Variants in MZT2B observed in about 807,000 individuals in gnomAD.
MZT2B encodes the protein mitotic-spindle organizing protein 2B.
Under a neutral mutation model 12.1 loss-of-function variants are expected in MZT2B, and 11 were observed. That is an observed-to-expected ratio of 0.91 (90% CI 0.57 to 1.50). MZT2B has a LOEUF of 1.50. Ranked by LOEUF, MZT2B falls within the 40% of genes most tolerant of loss-of-function variation. The pLI is 0.00. For missense variants in MZT2B, 209 were observed against 227.7 expected, an observed-to-expected ratio of 0.92 and a Z score of 0.53; for synonymous variants, 85 against 109.5, an observed-to-expected ratio of 0.78 and a Z score of 1.40.
downstream of MZT2B, chr2:130,195,218 C>A: frequency 1.2e-6 from 2 of 1,613,848 alleles, no homozygotes; most frequent in Non-Finnish European, 8.5e-7. Context: ...GGTCCCTGTG[C>A]GCACTTCATC....
downstream of MZT2B, chr2:130,192,109 G>A (rs747036236): frequency 1.1e-5 from 18 of 1,597,794 alleles, no homozygotes; most frequent in South Asian, 1.8e-4. Context: ...ACTGTGGGGG[G>A]CTGGTAGTTA....
At chr2:130,197,591 T>C in the MZT2B span, among the ~76,000 whole-genome samples, 4 of 126,844 alleles carry the variant, frequency 3.2e-5, no homozygotes, top group African/African-American at 1.1e-4. Context: ...CTTGGGAATC[T>C]GTTATGTTAA....
At chr2:130,186,589 A>G (rs1338344417) in intron 2 of MZT2B, among the ~76,000 whole-genome samples, 2 of 152,220 alleles carry the variant, frequency 1.3e-5, no homozygotes, top group East Asian at 1.9e-4. Flanking sequence ...TGGCATGGTC[A>G]TTGCACTGCG....
intron 2 of MZT2B, among the ~76,000 whole-genome samples, chr2:130,190,000 G>C (rs999921435): frequency 2.0e-5 from 3 of 152,190 alleles, no homozygotes; most frequent in African/African-American, 7.2e-5. Flanking sequence ...CTTGGTGACT[G>C]CAGTACTTCC....
downstream of MZT2B, among the ~76,000 whole-genome samples, chr2:130,192,764 G>C (rs1232032595): frequency 1.3e-5 from 2 of 152,160 alleles, no homozygotes; most frequent in African/African-American, 2.4e-5. Context: ...CAGTGCACAG[G>C]GTCAACTAGA....
At chr2:130,183,715 G>A in intron 2 of MZT2B, 2 of 1,550,356 alleles carry the variant, frequency 1.3e-6, no homozygotes, top group Non-Finnish European at 1.7e-6. Context: ...AGAGGGCCCG[G>A]GCACCTGCGT....
chr2:130,184,231 A>G (rs1558776972), intron 2 of MZT2B: 1 of 1,397,230 alleles, frequency 7.2e-7, no homozygotes, highest in Non-Finnish European at 9.3e-7. Context: ...TGGTGAGTGT[A>G]AAGAGCCCCT....
Position 130,182,263 on chromosome 2 carries a change from C to G in MZT2B, c.-20C>G. The G allele has an allele frequency of 1.5e-6, 2 of 1,293,842 alleles. No homozygotes were observed. The highest frequency in any genetic ancestry group is 1.9e-6 in the Non-Finnish European group (2 of 1,029,386). 80.1% of individuals were successfully genotyped at this position (1,293,842 alleles called of 1,614,324 possible). ...AGGGGGCGCGGCGGGGCGGAGCGCACCTTTCCGCGGGCCGCGGGGATGGCG... is the reference window on the plus strand; with the variant it reads ...AGGGGGCGCGGCGGGGCGGAGCGCAGCTTTCCGCGGGCCGCGGGGATGGCG... On this transcript the variant is annotated 5_prime_UTR_variant, in exon 1 of 3. Coordinates refer to ENST00000281871, the MANE Select transcript of MZT2B (RefSeq NM_025029.5).
At chr2:130,181,677 G>A (rs1689658004), upstream of MZT2B, 6 of 1,550,194 alleles carry the variant, frequency 3.9e-6, no homozygotes, top group Non-Finnish European at 5.2e-6. Flanking sequence ...TACCTCAAAA[G>A]GCGCGTGCGC....
intron 2 of MZT2B, among the ~76,000 whole-genome samples, chr2:130,186,468 T>C (rs1690069431): frequency 6.6e-6 from 1 of 152,212 alleles, no homozygotes. Context: ...TTAGAGAAAC[T>C]ATACGTTTTA....
chr2:130,202,476 G>C, the MZT2B span: 8 of 1,279,738 alleles, frequency 6.3e-6, no homozygotes, highest in South Asian at 1.0e-4. Context: ...AGGCTTAAGA[G>C]GCTTTGCAGA....
intron 2 of MZT2B, chr2:130,184,027 C>A (rs1404363465): frequency 1.2e-5 from 18 of 1,550,260 alleles, no homozygotes; most frequent in Admixed American, 2.0e-5. Flanking sequence ...TGGAAACTGC[C>A]TGGCCCCAGG....
chr2:130,193,429 C>T (rs564027213), downstream of MZT2B, among the ~76,000 whole-genome samples: 2 of 150,602 alleles, frequency 1.3e-5, no homozygotes, highest in Non-Finnish European at 3.0e-5. Context: ...TCCAACATGG[C>T]GAAACCCCGT....
intron 2 of MZT2B, chr2:130,183,708 G>T (rs1260466956): frequency 6.5e-7 from 1 of 1,550,310 alleles, no homozygotes; most frequent in East Asian, 2.4e-5. Context: ...TGACCCAAGA[G>T]GGCCCGGGCA....
At chr2:130,182,100 C>A (rs1226920292), upstream of MZT2B, 7 of 1,340,846 alleles carry the variant, frequency 5.2e-6, no homozygotes, top group Non-Finnish European at 6.7e-6. Context: ...GCTCAGCACA[C>A]CGTGAGCGCC....
At chr2:130,182,229 G>A (rs1689722066), upstream of MZT2B, 7 of 1,229,062 alleles carry the variant, frequency 5.7e-6, no homozygotes, top group South Asian at 1.7e-4. Flanking sequence ...GGTGGTGGGC[G>A]CAGCCGCTAG....
In MZT2B at chr2:130,187,834, A is replaced by C. The variant is rs553420820; in HGVS notation, c.320-2635A>C. Among the ~76,000 whole-genome samples the C allele has an allele frequency of 1.1e-3, 162 of 152,034 alleles. 2 individuals are homozygous for C. The highest frequency in any genetic ancestry group is 3.5e-3 in the South Asian group (17 of 4,812). On this transcript the variant is annotated intron_variant, in intron 2 of 2. Transcript: ENST00000281871. ...TTTTCTTAGTATCAGTTATGGCTTA[A>C]AGTTATGTTGGTTTCACATTTCCAG...
chr2:130,197,112 T>C, the MZT2B span, among the ~76,000 whole-genome samples: 2 of 152,096 alleles, frequency 1.3e-5, no homozygotes, highest in Non-Finnish European at 2.9e-5. Flanking sequence ...CCACGCCCTC[T>C]CTCTACCCCT....
chr2:130,200,704 A>C, the MZT2B span, among the ~76,000 whole-genome samples: 25 of 150,648 alleles, frequency 1.7e-4, no homozygotes, highest in African/African-American at 5.9e-4. Flanking sequence ...GAGCAGAGTC[A>C]GGACCCAATA....
Sources: allele counts gnomAD v4.1 joint callset (sites outside exome capture counted in the v4.1 genomes callset), GRCh38; gene constraint gnomAD v4.1.1; transcripts MANE v1.5; gene names NCBI Gene and HGNC (gene_info 2026-07-23, HGNC 2026-07-21).